The following APOL1 variants were observed in gnomAD, a reference collection of about 807,000 sequenced individuals.
APOL1 encodes the protein apolipoprotein L1.
APOL1 carries 17 observed loss-of-function variants against 14.9 expected under a neutral mutation model. The ratio of observed to expected loss-of-function variants is 1.14; its 90% CI spans 0.78 to 1.71. The LOEUF is 1.71. Ranked by LOEUF, APOL1 falls within the 40% of genes most tolerant of loss-of-function variation. The pLI is 0.00. For missense variants in APOL1, 523 were observed against 485.9 expected (o/e 1.08, Z -0.72); for synonymous variants, 195 against 184.8 (o/e 1.05, Z -0.45).
At chr22:36,261,813 C>T in intron 5 of APOL1, 91 bp downstream of exon 5, 1 of 1,468,884 alleles carries the variant, frequency 6.8e-7, no homozygotes. Context: ...CACACCTCCT[C>T]CAGGCAGCCC....
At position 36,261,695 on chromosome 22, in the gene APOL1, G is replaced by C. The variant is rs1448072319; in HGVS notation, c.287G>C (p.Gly96Ala). 2.5e-6 allele frequency: 4 copies of C among 1,614,064 alleles called. No individual in the cohort carries two copies. The South Asian group carries it at 3.3e-5, about 13-fold the overall frequency. ...LLLTDNEAWN[G>A]FVAAAELPRN... ...CTGACTGATAATGAGGCCTGGAACG[G>C]ATTCGTGGCTGCTGCTGAACTGCCC... The change falls in exon 5 of 6, where the codon GGA (glycine) becomes GCA (alanine). Residue 96 changes from glycine to alanine, a missense_variant. By Grantham distance (60) the Gly-to-Ala change is moderately conservative. Coordinates refer to ENST00000397278, the MANE Select transcript of APOL1 (RefSeq NM_003661.4).
intron 4 of APOL1, among the ~76,000 whole-genome samples, chr22:36,257,727 G>T (rs571363754): frequency 6.6e-6 from 1 of 151,848 alleles, no homozygotes; most frequent in East Asian, 1.9e-4. Flanking sequence ...GGAGAGCAGG[G>T]TCCAGGAGGA....
In APOL1 at chr22:36,254,929, T is replaced by G; in HGVS notation, c.-19-8T>G. 6.2e-7 allele frequency: 1 copy of G among 1,613,842 alleles called. No homozygotes were observed. The highest frequency in any genetic ancestry group is 8.5e-7 in the Non-Finnish European group (1 of 1,179,786). ...CACACTGTCTCAACCCCTCTTTTCC[T>G]GCTCAAGGAGGAGGCCCTGCAGCGA... is the stretch of plus-strand genomic sequence containing the variant. On this transcript the variant is annotated splice_polypyrimidine_tract_variant and splice_region_variant and intron_variant, in intron 1 of 5. Transcript: ENST00000397278.
chr22:36,259,063 C>G (rs1324086963), intron 4 of APOL1, among the ~76,000 whole-genome samples: 3 of 152,188 alleles, frequency 2.0e-5, no homozygotes, highest in African/African-American at 7.2e-5. Context: ...TGTGACCTCC[C>G]AGTATCCACA....
rs138178894 is a variant in APOL1 at position 36,266,017 on chromosome 22, C to G, written c.1181C>G (p.Ala394Gly). The change falls in exon 6 of 6, where the codon GCG becomes GGG. Residue 394 changes from alanine (A) to glycine (G), a missense_variant. Ala to Gly is a moderately conservative substitution (Grantham distance 60). Coordinates refer to ENST00000397278, the MANE Select transcript of APOL1 (RefSeq NM_003661.4). ...ILNNNYKILQ[A>G]DQEL ...AACAATAATTATAAGATTCTGCAGG[C>G]GGACCAAGAACTGTGACCACAGGGC... is the stretch of plus-strand genomic sequence containing the variant. The G allele has an allele frequency of 5.4e-4, 874 of 1,606,456 alleles. 1 individual carries two copies. Among genetic ancestry groups the G allele is most frequent in the Non-Finnish European group, 7.1e-4 (834 of 1,175,944 alleles).
chr22:36,263,388 T>A (rs181375556), intron 5 of APOL1, among the ~76,000 whole-genome samples: 1 of 152,342 alleles, frequency 6.6e-6, no homozygotes, highest in Non-Finnish European at 1.5e-5. Flanking sequence ...GACTGCAATG[T>A]CTGAGGGCAC....
rs139494181 is a variant in APOL1, at chr22:36,253,958, C to T, written c.-20+739C>T. The T allele has an allele frequency of 8.7e-3, 13,966 of 1,614,048 alleles. 80 individuals are homozygous for T. The highest frequency in any genetic ancestry group is 0.013 in the Middle Eastern group (77 of 6,062). On this transcript the variant is annotated intron_variant, in intron 1 of 5. Transcript: ENST00000397278. ...TGCCTGTGGCATGATGCCAGCTTTG[C>T]AATCATGAGATTCAAAAGCCACACT...
rs898748951 is a variant in APOL1 at position 36,265,919 on chromosome 22, G to A, written c.1083G>A (p.Glu361=). The A allele has an allele frequency of 1.2e-6, 2 of 1,614,034 alleles. No homozygotes were observed. Among genetic ancestry groups the A allele is most frequent in the African/African-American group, 2.7e-5 (2 of 74,916 alleles). ...TGTACGAATCAAAGCACTTACATGA[G>A]GGGGCAAAGTCAGAGACAGCTGAGG... ...YLVYESKHLH[E]GAKSETAEEL... The change falls in exon 6 of 6, where the codon GAG becomes GAA. Residue 361 remains glutamate, a synonymous_variant. Coordinates refer to ENST00000397278, the MANE Select transcript of APOL1 (RefSeq NM_003661.4).
chr22:36,265,165 A>C lies in APOL1; in HGVS notation c.329A>C (p.Glu110Ala). 6.2e-7 allele frequency: 1 copy of C among 1,614,124 alleles called. No homozygotes were observed. The highest frequency in any genetic ancestry group is 8.5e-7 in the Non-Finnish European group (1 of 1,180,018). Residue 110 changes from glutamate to alanine, a missense_variant, in exon 6 of 6, where the codon GAG becomes GCG. Glu to Ala is a moderately radical substitution (Grantham distance 107, BLOSUM62 -1). Transcript: ENST00000397278. ...AAELPRNEADELRKALDNLAR... is the reference protein window; with the variant it reads ...AAELPRNEADALRKALDNLAR... The stretch of plus-strand genomic sequence containing the variant: ...TCCTTGTGCAGGAATGAGGCAGATG[A>C]GCTCCGTAAAGCTCTGGACAACCTT...
intron 4 of APOL1, among the ~76,000 whole-genome samples, chr22:36,260,350 G>A (rs919192479): frequency 2.0e-5 from 3 of 152,174 alleles, no homozygotes; most frequent in East Asian, 3.9e-4. Flanking sequence ...AGCCAAGATC[G>A]CACCACTGCA....
At chr22:36,257,497 CG>C in intron 4 of APOL1, 90 bp downstream of exon 4, 1 of 1,315,008 alleles carries the variant, frequency 7.6e-7, no homozygotes, top group Non-Finnish European at 1.1e-6. Flanking sequence ...CAGAAGAACC[CG>C]GATGGACTAG....
rs371302335 is a variant in APOL1, at chr22:36,265,673, T to C, written c.837T>C (p.Ile279=). Residue 279 remains isoleucine, a synonymous_variant, in exon 6 of 6, where the codon ATT becomes ATC. Coordinates refer to ENST00000397278, the MANE Select transcript of APOL1 (RefSeq NM_003661.4). ...ATACTTACCAACTCACACGAGGCAT[T>C]GGGAAGGACATCCGTGCCCTCAGAC... ...AGNTYQLTRG[I]GKDIRALRRA... The C allele has an allele frequency of 4.5e-5, 72 of 1,604,586 alleles. No individual in the cohort carries two copies. Among genetic ancestry groups the C allele is most frequent in the Middle Eastern group, 3.3e-4 (2 of 6,018 alleles).
chr22:36,261,581 C>T lies in APOL1; in HGVS notation c.188-15C>T, dbSNP rs570768141. On this transcript the variant is annotated splice_polypyrimidine_tract_variant and intron_variant, in intron 4 of 5. Transcript: ENST00000397278. ...ACACTTTCCTCCAACCTTATCCTTT[C>T]TTCTTTCCAACTAGAGAGCAGTATC... The T allele has an allele frequency of 6.2e-5, 100 of 1,610,536 alleles. No individual in the cohort carries two copies. Among genetic ancestry groups the T allele is most frequent in the African/African-American group, 4.7e-4 (35 of 74,880 alleles).
At chr22:36,257,218 C>A in intron 3 of APOL1, 82 bp downstream of exon 3, 5 of 1,605,848 alleles carry the variant, frequency 3.1e-6, no homozygotes, top group Non-Finnish European at 4.3e-6. Context: ...TGTTTGCTTC[C>A]ACCCCAGAGA....
At chr22:36,261,467 A>G in intron 4 of APOL1, 129 bp from the exon 5 acceptor site, 2 of 1,022,152 alleles carry the variant, frequency 2.0e-6, no homozygotes, top group South Asian at 1.5e-5. Flanking sequence ...CTATAGCACT[A>G]ATGACTCCAT....
In APOL1 at chr22:36,265,086, C is replaced by G. The variant is rs1011496150; in HGVS notation, c.315-65C>G. 8 of 1,588,560 alleles carry G rather than the reference C, an allele frequency of 5.0e-6. No individual in the cohort carries two copies. In the African/African-American group the frequency reaches 6.7e-5, roughly 13 times the overall value. ...TTGGCCTCCCAAAGTGCTGGGATTA[C>G]AGGTGTGAGCCACCACACCGAGCCA... is the stretch of plus-strand genomic sequence containing the variant. On this transcript the variant is annotated intron_variant, in intron 5 of 5. Coordinates refer to ENST00000397278, the MANE Select transcript of APOL1 (RefSeq NM_003661.4).
At chr22:36,262,203 C>G (rs1354943122) in intron 5 of APOL1, among the ~76,000 whole-genome samples, 1 of 152,182 alleles carries the variant, frequency 6.6e-6, no homozygotes, top group Non-Finnish European at 1.5e-5. Context: ...AAAATCCTGA[C>G]CTAACCAATG....
intron 2 of APOL1, among the ~76,000 whole-genome samples, chr22:36,256,342 A>G (rs1324812129): frequency 6.6e-6 from 1 of 152,252 alleles, no homozygotes; most frequent in Admixed American, 6.5e-5. Flanking sequence ...TGACCTGCTC[A>G]TTCTACTCCT....
intron 4 of APOL1, among the ~76,000 whole-genome samples, chr22:36,258,504 A>C (rs369963909): frequency 3.0e-4 from 45 of 152,316 alleles, no homozygotes; most frequent in African/African-American, 1.1e-3. Flanking sequence ...TGCCAGTGTG[A>C]GTTTAGGGAG....
Sources: allele counts gnomAD v4.1 joint callset (sites outside exome capture counted in the v4.1 genomes callset), GRCh38; gene constraint gnomAD v4.1.1; transcripts MANE v1.5; gene names NCBI Gene and HGNC (gene_info 2026-07-23, HGNC 2026-07-21).